Variants in SLC6A11 observed in about 807,000 individuals in gnomAD.
SLC6A11 encodes sodium- and chloride-dependent GABA transporter 3.
A neutral mutation model predicts 74.8 loss-of-function variants in SLC6A11; 25 were observed. The ratio of observed to expected loss-of-function variants is 0.33; its 90% CI spans 0.24 to 0.47. The LOEUF (loss-of-function observed/expected upper bound fraction) is 0.47. Among genes scored for constraint, SLC6A11 ranks in the 20% least tolerant of loss-of-function variants. The pLI is 1.00. For missense variants in SLC6A11, 574 were observed against 837.0 expected, an observed-to-expected ratio of 0.69 and a Z score of 3.88; for synonymous variants, 330 against 330.2, an observed-to-expected ratio of 1.00 and a Z score of 0.01.
intron 6 of SLC6A11, among the ~76,000 whole-genome samples, chr3:10,892,506 A>G (rs1695118510): frequency 6.6e-6 from 1 of 150,398 alleles, no homozygotes; most frequent in Non-Finnish European, 1.5e-5. Flanking sequence ...CTGTCACTGT[A>G]CCTCCTTGTG....
chr3:10,840,539 T>C (rs928440910), intron 4 of SLC6A11, among the ~76,000 whole-genome samples: 4 of 152,360 alleles, frequency 2.6e-5, no homozygotes, highest in African/African-American at 9.6e-5. Context: ...CTGATGACGC[T>C]TTCGTAAGTA....
intron 7 of SLC6A11, among the ~76,000 whole-genome samples, chr3:10,916,773 C>T (rs1412010599): frequency 5.9e-5 from 9 of 152,140 alleles, no homozygotes; most frequent in East Asian, 1.9e-4. Flanking sequence ...TTTGATCTAG[C>T]GCAAGGTCAA....
intron 1 of SLC6A11, among the ~76,000 whole-genome samples, chr3:10,819,041 G>A (rs1026806752): frequency 8.5e-5 from 13 of 152,304 alleles, no homozygotes; most frequent in Admixed American, 7.8e-4. Context: ...AAAGTAAAAG[G>A]AAGGGGTGCC....
intron 5 of SLC6A11, among the ~76,000 whole-genome samples, chr3:10,854,632 C>T (rs1462525264): frequency 6.6e-6 from 1 of 152,124 alleles, no homozygotes; most frequent in Admixed American, 6.5e-5. Context: ...TTTTATAAGG[C>T]AGAGAGAGAC....
chr3:10,816,355 CG>C lies in SLC6A11; in HGVS notation c.95del (p.Gly32AlafsTer30). 6.9e-7 allele frequency: 1 copy of C among 1,456,064 alleles called. No homozygotes were observed. The highest frequency in any genetic ancestry group is 1.4e-5 in the South Asian group (1 of 70,936). The allele number at this position is 1,456,064 out of a possible 1,614,324, so 90.2% of individuals were successfully genotyped here. On this transcript the variant is annotated frameshift_variant, in exon 1 of 14. Coordinates refer to ENST00000254488, the MANE Select transcript of SLC6A11 (RefSeq NM_014229.3). LOFTEE classifies it high-confidence loss of function. The surrounding 1 kb of genome is among the most constrained non-coding windows in gnomAD (Gnocchi z 4.2). ...AGGCGCCGGGTGGCGGCTGCAGCAG[CG>C]GGGGCGCGGCGCCCGCGCGCCACCC... is the stretch of plus-strand genomic sequence containing the variant. ...SEAPGGGCSSGGAAPARHPRV... is the reference protein window; with the variant it reads ...SEAPGGGCSSXGAAPARHPRV...
chr3:10,908,783 T>TG (rs1156884583), intron 6 of SLC6A11, among the ~76,000 whole-genome samples: 2 of 152,204 alleles, frequency 1.3e-5, no homozygotes, highest in African/African-American at 4.8e-5. Context: ...CAGTGAATGC[T>TG]GGTCCATCAG....
At chr3:10,905,248 C>T (rs1695288255) in intron 6 of SLC6A11, among the ~76,000 whole-genome samples, 1 of 152,184 alleles carries the variant, frequency 6.6e-6, no homozygotes, top group Admixed American at 6.5e-5. Context: ...AGATGACATT[C>T]CCCAGAGTTC....
At chr3:10,930,838 G>A (rs756846047) in intron 10 of SLC6A11, among the ~76,000 whole-genome samples, 2 of 151,902 alleles carry the variant, frequency 1.3e-5, no homozygotes, top group Non-Finnish European at 2.9e-5. Flanking sequence ...GTGTTTCATG[G>A]CCCCCAGAGG....
At chr3:10,928,054 C>G (rs1419879807) in intron 9 of SLC6A11, among the ~76,000 whole-genome samples, 3 of 152,156 alleles carry the variant, frequency 2.0e-5, no homozygotes, top group African/African-American at 2.4e-5. Flanking sequence ...CTCTGTGCTT[C>G]TGTGTCTTCA....
intron 5 of SLC6A11, among the ~76,000 whole-genome samples, chr3:10,861,807 C>T (rs1694706145): frequency 6.6e-6 from 1 of 152,080 alleles, no homozygotes; most frequent in Admixed American, 6.5e-5. Context: ...ATTCTTCTTC[C>T]AAGAAATGAA....
chr3:10,835,703 G>C (rs1694357685), intron 4 of SLC6A11, among the ~76,000 whole-genome samples: 1 of 152,158 alleles, frequency 6.6e-6, no homozygotes, highest in African/African-American at 2.4e-5. Context: ...GGACAAGGTA[G>C]CTATTTCTGT....
Position 10,918,583 on chromosome 3 carries a change from A to T in SLC6A11, c.1120+130A>T. 1.0e-6 allele frequency: 1 copy of T among 965,516 alleles called. No homozygotes were observed. Among genetic ancestry groups the T allele is most frequent in the Non-Finnish European group, 1.5e-6 (1 of 680,512 alleles). 59.8% of individuals were successfully genotyped at this position (965,516 alleles called of 1,614,324 possible). ...TCAGGCCTCAGAAAGGGGCCCCACC[A>T]TTCATCCACAATCCAGGATCCTGGG... On this transcript the variant is annotated intron_variant, in intron 8 of 13. Transcript: ENST00000254488. This position sits in a 1 kb window ranked among gnomAD's most constrained non-coding sequence, Gnocchi z 4.5.
chr3:10,921,520 T>C (rs1191782848), intron 8 of SLC6A11, among the ~76,000 whole-genome samples: 8 of 152,170 alleles, frequency 5.3e-5, no homozygotes, highest in Non-Finnish European at 8.8e-5. Flanking sequence ...ATTAAAAATA[T>C]TTATTAACCC....
chr3:10,874,829 C>T (rs899994000), intron 5 of SLC6A11, 132 bp from the exon 6 acceptor site: 31 of 815,774 alleles, frequency 3.8e-5, no homozygotes, highest in African/African-American at 2.4e-4. Context: ...GGTCTATACA[C>T]GCGGGGGAAT....
rs1695497806 is a variant in SLC6A11, at chr3:10,918,985, C to T, written c.1120+532C>T. Among the ~76,000 whole-genome samples the T allele has an allele frequency of 6.6e-6, 1 of 152,130 alleles. No homozygotes were observed. ...CCTCACCACCTACGATTCCCCCACA[C>T]TCACTCGGTCCCACCACAGCGGTCT... On this transcript the variant is annotated intron_variant, in intron 8 of 13. Coordinates refer to ENST00000254488, the MANE Select transcript of SLC6A11 (RefSeq NM_014229.3). This position sits in a 1 kb window ranked among gnomAD's most constrained non-coding sequence, Gnocchi z 4.5.
intron 10 of SLC6A11, among the ~76,000 whole-genome samples, chr3:10,929,770 T>C (rs1435131624): frequency 2.0e-5 from 3 of 152,226 alleles, no homozygotes; most frequent in African/African-American, 7.2e-5. Flanking sequence ...ATGATGATAT[T>C]GGCACCTTTG....
chr3:10,856,653 G>A (rs1694641888), intron 5 of SLC6A11, among the ~76,000 whole-genome samples: 1 of 152,182 alleles, frequency 6.6e-6, no homozygotes, highest in African/African-American at 2.4e-5. Context: ...ACAAGCATTG[G>A]CCCTCCCTCC....
At chr3:10,858,781 T>A (rs1472535884) in intron 5 of SLC6A11, among the ~76,000 whole-genome samples, 2 of 152,204 alleles carry the variant, frequency 1.3e-5, no homozygotes, top group African/African-American at 2.4e-5. Flanking sequence ...TCAAATTAAT[T>A]CAACATGCAC....
At chr3:10,873,617 A>ATCCTC (rs1694864651) in intron 5 of SLC6A11, among the ~76,000 whole-genome samples, 1 of 112,832 alleles carries the variant, frequency 8.9e-6, no homozygotes, top group African/African-American at 4.5e-5. Flanking sequence ...ATGCCATGCT[A>ATCCTC]TCCTATCCTA....
Sources: allele counts gnomAD v4.1 joint callset (sites outside exome capture counted in the v4.1 genomes callset), GRCh38; gene constraint gnomAD v4.1.1; non-coding constraint Gnocchi (gnomAD v3.1); transcripts MANE v1.5; gene names NCBI Gene and HGNC (gene_info 2026-07-23, HGNC 2026-07-21).